The following POU6F2 variants were observed in gnomAD, a reference collection of about 807,000 sequenced individuals.
POU6F2 encodes POU class 6 homeobox 2.
A neutral mutation model predicts 71.3 loss-of-function variants in POU6F2; 31 were observed. The observed-to-expected ratio is 0.43, with a 90% CI of 0.33 to 0.59. The LOEUF is 0.59. Ranked by LOEUF, POU6F2 falls within the 20% of genes least tolerant of loss-of-function variation. The pLI is 0.04. For synonymous variants in POU6F2, 347 were observed against 355.7 expected (o/e 0.98, Z 0.27); for missense variants, 783 against 856.8 (o/e 0.91, Z 1.07).
chr7:39,152,204 G>A (rs562416557), intron 2 of POU6F2, among the ~76,000 whole-genome samples: 2 of 152,226 alleles, frequency 1.3e-5, no homozygotes, highest in South Asian at 2.1e-4. Flanking sequence ...CTCCTCAATA[G>A]TCAGTACCTG....
At chr7:39,315,937 T>A (rs1344224917) in intron 4 of POU6F2, among the ~76,000 whole-genome samples, 1 of 152,240 alleles carries the variant, frequency 6.6e-6, no homozygotes, top group East Asian at 1.9e-4. Flanking sequence ...CTTTTTGATA[T>A]ACTTCTCCTG....
At chr7:39,458,706 T>A (rs943610803) in intron 8 of POU6F2, among the ~76,000 whole-genome samples, 5 of 152,118 alleles carry the variant, frequency 3.3e-5, no homozygotes, top group Non-Finnish European at 5.9e-5. Context: ...ACCAATTTTA[T>A]AGTCACTGCC....
intron 2 of POU6F2, among the ~76,000 whole-genome samples, chr7:39,134,063 A>G (rs1342156663): frequency 6.6e-6 from 1 of 152,028 alleles, no homozygotes; most frequent in Admixed American, 6.5e-5. Flanking sequence ...TTGTAGAGAT[A>G]GAGTTTCACT....
At chr7:39,020,038 C>T (rs959692384) in intron 1 of POU6F2, among the ~76,000 whole-genome samples, 1 of 152,082 alleles carries the variant, frequency 6.6e-6, no homozygotes, top group African/African-American at 2.4e-5. Context: ...TCGCAGCTTG[C>T]ATATGTCAGG....
intron 5 of POU6F2, among the ~76,000 whole-genome samples, chr7:39,384,849 A>C (rs1263752856): frequency 6.6e-6 from 1 of 152,232 alleles, no homozygotes. Context: ...CACAGAATGG[A>C]AGCAAAATTA....
At chr7:39,069,361 C>T (rs188071237) in intron 1 of POU6F2, among the ~76,000 whole-genome samples, 17 of 152,286 alleles carry the variant, frequency 1.1e-4, no homozygotes, top group Admixed American at 4.6e-4. Context: ...AGGGCTTTTC[C>T]GGGCTGATGC....
intron 2 of POU6F2, among the ~76,000 whole-genome samples, chr7:39,178,697 C>T (rs2097114334): frequency 6.6e-6 from 1 of 152,164 alleles, no homozygotes; most frequent in Admixed American, 6.5e-5. Flanking sequence ...AGTTCAGAGA[C>T]AGCAAAGCCA....
chr7:39,246,628 G>A (rs1783826088), intron 4 of POU6F2, among the ~76,000 whole-genome samples: 1 of 152,044 alleles, frequency 6.6e-6, no homozygotes, highest in Non-Finnish European at 1.5e-5. Flanking sequence ...GAAATTGATG[G>A]GATGACTCTG....
At chr7:38,996,335 C>T (rs1788738883) in intron 1 of POU6F2, among the ~76,000 whole-genome samples, 1 of 151,192 alleles carries the variant, frequency 6.6e-6, no homozygotes, top group Non-Finnish European at 1.5e-5. Flanking sequence ...GCCACTGCAC[C>T]CAGCTGGGGC....
chr7:39,271,072 T>C (rs999433107), intron 4 of POU6F2, among the ~76,000 whole-genome samples: 1 of 152,102 alleles, frequency 6.6e-6, no homozygotes, highest in African/African-American at 2.4e-5. Context: ...AGATCAGTGG[T>C]GACCCAACCA....
chr7:39,016,040 T>TTGA (rs1789527270), intron 1 of POU6F2, among the ~76,000 whole-genome samples: 1 of 54,566 alleles, frequency 1.8e-5, no homozygotes, highest in African/African-American at 5.9e-5. Flanking sequence ...TAGATATATA[T>TTGA]TATATATTAT....
intron 1 of POU6F2, among the ~76,000 whole-genome samples, chr7:39,010,374 C>T (rs1789236120): frequency 1.3e-5 from 2 of 148,354 alleles, no homozygotes; most frequent in African/African-American, 2.5e-5. Context: ...GTGATATCCC[C>T]TTTATCATTT....
chr7:39,414,303 A>G (rs946135967), intron 6 of POU6F2, among the ~76,000 whole-genome samples: 3 of 152,204 alleles, frequency 2.0e-5, no homozygotes, highest in Non-Finnish European at 4.4e-5. Flanking sequence ...ACACACCTAC[A>G]TAACACGTTT....
At chr7:39,280,947 G>A (rs1433932692) in intron 4 of POU6F2, among the ~76,000 whole-genome samples, 2 of 152,160 alleles carry the variant, frequency 1.3e-5, no homozygotes, top group Non-Finnish European at 1.5e-5. Flanking sequence ...AGAAACCGGA[G>A]CACCCTCGTG....
At position 39,451,753 on chromosome 7, in the gene POU6F2, A is replaced by G. The variant is rs903570250; in HGVS notation, c.1489+52A>G. 6.7e-6 allele frequency: 10 copies of G among 1,488,658 alleles called. 1 individual carries two copies. The highest frequency in any genetic ancestry group is 8.3e-6 in the Non-Finnish European group (9 of 1,090,094). 92.2% of individuals were successfully genotyped at this position (1,488,658 alleles called of 1,614,324 possible). ...AATCGTGGTGGCCTTCTTGTTGCCTATTTGCAATGTCTTCCTTCTTGTCTC... is the reference window on the plus strand; with the variant it reads ...AATCGTGGTGGCCTTCTTGTTGCCTGTTTGCAATGTCTTCCTTCTTGTCTC... On this transcript the variant is annotated intron_variant, in intron 8 of 9. Transcript: ENST00000518318.
chr7:39,091,339 G>T (rs142726133), intron 2 of POU6F2, among the ~76,000 whole-genome samples: 4 of 152,230 alleles, frequency 2.6e-5, no homozygotes, highest in Admixed American at 2.6e-4. Context: ...GGGTGCTCAG[G>T]CCAGGCCTCT....
chr7:39,445,585 C>A (rs959861574), intron 7 of POU6F2, among the ~76,000 whole-genome samples: 13 of 152,324 alleles, frequency 8.5e-5, no homozygotes, highest in Non-Finnish European at 4.4e-5. Context: ...TGTAAAGCCT[C>A]TCTGAATGCC....
intron 4 of POU6F2, among the ~76,000 whole-genome samples, chr7:39,289,996 C>A (rs1166339847): frequency 6.6e-6 from 1 of 151,904 alleles, no homozygotes; most frequent in Non-Finnish European, 1.5e-5. Context: ...AGGCATAAGA[C>A]TCAGGATGAC....
chr7:39,034,262 G>A (rs1263195562), intron 1 of POU6F2: 1 of 172,918 alleles, frequency 5.8e-6, no homozygotes, highest in Non-Finnish European at 1.3e-5. Context: ...GTGAGTATTA[G>A]TCAAAGTCTG....
Sources: gnomAD v4.1 joint callset for allele counts (sites outside exome capture counted in the v4.1 genomes callset) on GRCh38, gnomAD v4.1.1 for gene constraint, MANE v1.5 for transcripts, NCBI Gene and HGNC (gene_info 2026-07-23, HGNC 2026-07-21) for gene names.